The following ADAM22 variants were observed in gnomAD, a reference collection of about 807,000 sequenced individuals.
ADAM22 encodes the protein disintegrin and metalloproteinase domain-containing protein 22.
ADAM22 carries 65 observed loss-of-function variants against 144.6 expected under a neutral mutation model. The ratio of observed to expected loss-of-function variants is 0.45; its 90% CI spans 0.37 to 0.55. The LOEUF (loss-of-function observed/expected upper bound fraction) is 0.55, where lower values mean the gene tolerates loss of function less well. Ranked by LOEUF, ADAM22 falls within the 20% of genes least tolerant of loss-of-function variation. The pLI is 0.00. For missense variants in ADAM22, 974 were observed against 1,184.9 expected (o/e 0.82, Z 2.61); for synonymous variants, 391 against 412.6 (o/e 0.95, Z 0.63).
chr7:88,051,555 G>A (rs1806376730), intron 3 of ADAM22, among the ~76,000 whole-genome samples: 3 of 151,758 alleles, frequency 2.0e-5, no homozygotes, highest in Non-Finnish European at 4.4e-5. Context: ...CTGTTGTGGG[G>A]TGGGGGGAGG....
chr7:88,138,831 A>C (rs1833758746), intron 14 of ADAM22, among the ~76,000 whole-genome samples: 1 of 152,198 alleles, frequency 6.6e-6, no homozygotes, highest in African/African-American at 2.4e-5. Flanking sequence ...CAGATGTGGC[A>C]AAATAAAGGT....
At chr7:88,113,879 G>GAGGT (rs1193992005) in intron 5 of ADAM22, among the ~76,000 whole-genome samples, 26 of 150,898 alleles carry the variant, frequency 1.7e-4, no homozygotes, top group Admixed American at 8.0e-4. Flanking sequence ...TGCATGAATG[G>GAGGT]AGGTAGGTAG....
intron 3 of ADAM22, among the ~76,000 whole-genome samples, chr7:88,039,464 A>AAAAAAAAAATATATATATATAT: frequency 1.7e-4 from 13 of 76,386 alleles, no homozygotes; most frequent in African/African-American, 6.2e-4. Flanking sequence ...AAAAAAAAAA[A>AAAAAAAAAATATATATATATAT]ATATATATAT....
At chr7:87,998,116 C>T (rs1350031433) in intron 3 of ADAM22, among the ~76,000 whole-genome samples, 11 of 152,228 alleles carry the variant, frequency 7.2e-5, no homozygotes, top group Admixed American at 4.6e-4. Flanking sequence ...AGATAGAGGC[C>T]GGAAGACTTA....
chr7:88,177,503 C>G (rs1433586352), intron 26 of ADAM22, among the ~76,000 whole-genome samples: 2 of 151,894 alleles, frequency 1.3e-5, no homozygotes, highest in African/African-American at 4.8e-5. Context: ...GGAATCATAT[C>G]AAAAAGTTAT....
chr7:88,134,545 A>C (rs1832554761), intron 13 of ADAM22, 126 bp downstream of exon 13: 1 of 637,770 alleles, frequency 1.6e-6, no homozygotes. Context: ...AAAGATAAAC[A>C]TCCAGCGCAC....
At chr7:88,110,362 C>T (rs1164385974) in intron 5 of ADAM22, among the ~76,000 whole-genome samples, 1 of 152,034 alleles carries the variant, frequency 6.6e-6, no homozygotes, top group African/African-American at 2.4e-5. Context: ...CCCCTTTTCT[C>T]TCTCTTAAAA....
At chr7:88,080,588 G>T (rs1407243521) in intron 4 of ADAM22, among the ~76,000 whole-genome samples, 2 of 151,982 alleles carry the variant, frequency 1.3e-5, no homozygotes, top group Non-Finnish European at 2.9e-5. Context: ...CAACAAAATT[G>T]ATAGACCGTT....
chr7:88,131,650 A>T (rs1443214056), intron 11 of ADAM22: 1 of 552,784 alleles, frequency 1.8e-6, no homozygotes, highest in South Asian at 2.6e-5. Flanking sequence ...TTTAATGTTT[A>T]ATTTTTCAAG....
At chr7:88,024,956 G>A (rs1024540317) in intron 3 of ADAM22, among the ~76,000 whole-genome samples, 8 of 152,030 alleles carry the variant, frequency 5.3e-5, no homozygotes, top group African/African-American at 1.9e-4. Flanking sequence ...TATCATTGTT[G>A]GACATTTGGG....
At chr7:88,081,168 A>C (rs1033119725) in intron 4 of ADAM22, among the ~76,000 whole-genome samples, 28 of 152,216 alleles carry the variant, frequency 1.8e-4, no homozygotes, top group Admixed American at 1.5e-3. Context: ...CATCCCTGGG[A>C]TGCAAGGCTG....
chr7:87,999,987 TAAA>T (rs201224958), intron 3 of ADAM22, among the ~76,000 whole-genome samples: 1 of 132,038 alleles, frequency 7.6e-6, no homozygotes. Context: ...AGCACATCTC[TAAA>T]AAAAAAAAAA....
intron 3 of ADAM22, among the ~76,000 whole-genome samples, chr7:88,051,795 T>G (rs962769744): frequency 2.0e-5 from 3 of 152,186 alleles, no homozygotes; most frequent in Non-Finnish European, 2.9e-5. Context: ...GACTTAGCCT[T>G]TTTATATTAT....
chr7:87,990,853 C>G (rs941423651), intron 3 of ADAM22, among the ~76,000 whole-genome samples: 2 of 152,048 alleles, frequency 1.3e-5, no homozygotes, highest in South Asian at 4.1e-4. Context: ...TTAGTAGAGA[C>G]GGAGTTTTGC....
intron 3 of ADAM22, among the ~76,000 whole-genome samples, chr7:88,019,901 G>A (rs1436498516): frequency 1.2e-4 from 17 of 141,654 alleles, no homozygotes. Flanking sequence ...GTGTGTGTGT[G>A]TGTAGATGTA....
At chr7:88,062,569 C>A (rs999578081) in intron 3 of ADAM22, among the ~76,000 whole-genome samples, 1 of 152,172 alleles carries the variant, frequency 6.6e-6, no homozygotes, top group African/African-American at 2.4e-5. Flanking sequence ...GGCTGTTTTG[C>A]TTTTTTATCA....
chr7:88,148,505 A>G (rs938523472), intron 17 of ADAM22, among the ~76,000 whole-genome samples: 8 of 152,220 alleles, frequency 5.3e-5, no homozygotes, highest in Non-Finnish European at 8.8e-5. Flanking sequence ...CCATGTAAAA[A>G]TGAGGCAGGG....
intron 3 of ADAM22, among the ~76,000 whole-genome samples, chr7:88,051,269 C>T (rs1374299304): frequency 6.6e-6 from 1 of 152,126 alleles, no homozygotes; most frequent in African/African-American, 2.4e-5. Context: ...TATTGCGGCA[C>T]TATTCACAAT....
At chr7:88,015,653 G>A (rs1563029035) in intron 3 of ADAM22, among the ~76,000 whole-genome samples, 1 of 152,158 alleles carries the variant, frequency 6.6e-6, no homozygotes, top group Non-Finnish European at 1.5e-5. Context: ...GCCAAGCAAA[G>A]CCCAGAAAAT....
Sources: gnomAD v4.1 joint callset for allele counts (sites outside exome capture counted in the v4.1 genomes callset) on GRCh38, gnomAD v4.1.1 for gene constraint, MANE v1.5 for transcripts, NCBI Gene and HGNC (gene_info 2026-07-23, HGNC 2026-07-21) for gene names.